ITPR1: variants seen among roughly 807,000 people sequenced by gnomAD.
The protein encoded by ITPR1 is inositol 1,4,5-trisphosphate receptor type 1, also known as inositol 1,4,5-trisphosphate-gated calcium channel ITPR1.
ITPR1 carries 96 observed loss-of-function variants against 318.4 expected under a neutral mutation model. The observed-to-expected ratio is 0.30, with a 90% CI of 0.26 to 0.36. The LOEUF (loss-of-function observed/expected upper bound fraction) is 0.36. Among genes scored for constraint, ITPR1 ranks in the 10% least tolerant of loss-of-function variants. The probability of loss-of-function intolerance (pLI) is 1.00; values close to 1 mark genes in which losing one functional copy is unlikely to be tolerated. For missense variants in ITPR1, 2,440 were observed against 3,460.2 expected (o/e 0.71, Z 7.40); for synonymous variants, 1,312 against 1,289.9 (o/e 1.02, Z -0.37).
chr3:4,796,098 A>C (rs1033621941), intron 53 of ITPR1, among the ~76,000 whole-genome samples: 1 of 152,224 alleles, frequency 6.6e-6, no homozygotes, highest in Admixed American at 6.5e-5. Flanking sequence ...TAGCTTAATC[A>C]TGCAGACATC....
chr3:4,715,505 AG>A (rs2041702149), intron 39 of ITPR1, among the ~76,000 whole-genome samples: 2 of 152,208 alleles, frequency 1.3e-5, no homozygotes, highest in African/African-American at 4.8e-5. Flanking sequence ...ACTAGTGAGT[AG>A]CAAGTGGTTG....
At chr3:4,613,388 C>T (rs1373489758) in intron 4 of ITPR1, among the ~76,000 whole-genome samples, 1 of 152,170 alleles carries the variant, frequency 6.6e-6, no homozygotes, top group African/African-American at 2.4e-5. Context: ...AAGCAGTTCC[C>T]AGCTTGACTT....
chr3:4,644,727 T>G (rs1243016281), intron 8 of ITPR1, among the ~76,000 whole-genome samples: 1 of 152,248 alleles, frequency 6.6e-6, no homozygotes, highest in African/African-American at 2.4e-5. Flanking sequence ...CATAAATATT[T>G]GTCTGATGGG....
At chr3:4,795,484 C>T (rs1575279713) in intron 53 of ITPR1, among the ~76,000 whole-genome samples, 1 of 152,300 alleles carries the variant, frequency 6.6e-6, no homozygotes, top group East Asian at 1.9e-4. Flanking sequence ...GAAACTATGT[C>T]TCAGAGCAGT....
At chr3:4,748,602 G>A (rs1452869502) in intron 44 of ITPR1, among the ~76,000 whole-genome samples, 1 of 152,182 alleles carries the variant, frequency 6.6e-6, no homozygotes, top group Non-Finnish European at 1.5e-5. Context: ...AATTCATCTT[G>A]AGGGTAAGAG....
intron 36 of ITPR1, among the ~76,000 whole-genome samples, chr3:4,703,481 C>A (rs971836615): frequency 1.3e-5 from 2 of 152,138 alleles, no homozygotes; most frequent in African/African-American, 4.8e-5. Context: ...AGGAAAATTT[C>A]TTTTTCCTTC....
chr3:4,605,604 A>G (rs867444120), intron 4 of ITPR1, among the ~76,000 whole-genome samples: 1 of 152,338 alleles, frequency 6.6e-6, no homozygotes, highest in South Asian at 2.1e-4. Flanking sequence ...GTATGTATGT[A>G]TTATACATGC....
At chr3:4,772,251 GGA>G (rs756091732) in intron 46 of ITPR1, among the ~76,000 whole-genome samples, 1 of 152,264 alleles carries the variant, frequency 6.6e-6, no homozygotes, top group Non-Finnish European at 1.5e-5. Context: ...ATTCTCATAA[GGA>G]GAGAGTGTTC....
At chr3:4,550,840 C>A (rs889879209) in intron 4 of ITPR1, among the ~76,000 whole-genome samples, 2 of 151,768 alleles carry the variant, frequency 1.3e-5, no homozygotes, top group East Asian at 3.9e-4. Flanking sequence ...GAGCTATGAT[C>A]ATGCTACTGT....
At chr3:4,797,126 C>G (rs1383512523) in intron 53 of ITPR1, among the ~76,000 whole-genome samples, 2 of 151,650 alleles carry the variant, frequency 1.3e-5, no homozygotes, top group Admixed American at 6.6e-5. Flanking sequence ...GAGCATAATT[C>G]AGAGCTCCGA....
At chr3:4,511,101 G>A (rs1299271422) in intron 2 of ITPR1, among the ~76,000 whole-genome samples, 1 of 152,124 alleles carries the variant, frequency 6.6e-6, no homozygotes, top group Admixed American at 6.5e-5. Context: ...GGACATGAGA[G>A]ACAGATTTGG....
At chr3:4,509,836 TACAATAGCACTAAAGTG>T (rs958460771) in intron 2 of ITPR1, among the ~76,000 whole-genome samples, 1 of 152,170 alleles carries the variant, frequency 6.6e-6, no homozygotes, top group Non-Finnish European at 1.5e-5. Flanking sequence ...AGGCAGCAGA[TACAATAGCACTAAAGTG>T]ACATTGAACC....
At chr3:4,704,751 C>A (rs1182948752) in intron 36 of ITPR1, among the ~76,000 whole-genome samples, 2 of 151,434 alleles carry the variant, frequency 1.3e-5, no homozygotes, top group Non-Finnish European at 1.5e-5. Context: ...GAGTTGATGT[C>A]TGTGGAACGG....
At chr3:4,669,820 G>T in intron 19 of ITPR1, 47 bp downstream of exon 19, 2 of 1,537,100 alleles carry the variant, frequency 1.3e-6, no homozygotes, top group South Asian at 1.3e-5. Context: ...GGTTCATTCA[G>T]TGTTGGTGCT....
chr3:4,769,885 G>A (rs2046075640), intron 46 of ITPR1, among the ~76,000 whole-genome samples: 1 of 152,214 alleles, frequency 6.6e-6, no homozygotes, highest in Non-Finnish European at 1.5e-5. Context: ...GAATGGGTCT[G>A]GATCTGCGGA....
chr3:4,707,570 C>G (rs961813893), intron 37 of ITPR1, among the ~76,000 whole-genome samples: 2 of 152,192 alleles, frequency 1.3e-5, no homozygotes, highest in South Asian at 4.1e-4. Flanking sequence ...TCAAGGCAGT[C>G]TCAAAGGTTC....
chr3:4,502,664 C>T (rs2081107707), intron 2 of ITPR1, among the ~76,000 whole-genome samples: 1 of 151,956 alleles, frequency 6.6e-6, no homozygotes, highest in African/African-American at 2.4e-5. Context: ...TTGTCTCGAT[C>T]TCTTGACCTC....
chr3:4,735,154 A>C lies in ITPR1; in HGVS notation c.5354-10A>C, dbSNP rs535524341. On this transcript the variant is annotated splice_polypyrimidine_tract_variant and intron_variant, in intron 43 of 61. Coordinates refer to ENST00000649015, the MANE Select transcript of ITPR1 (RefSeq NM_001378452.1). ...TTGTGCTTAGTAAAAACAATATTCC[A>C]TCTTCTTAGGGGGAGGTTCCGGATC... is the stretch of plus-strand genomic sequence containing the variant. 2 of 1,608,630 alleles carry C rather than the reference A, an allele frequency of 1.2e-6. No homozygotes were observed. The highest frequency in any genetic ancestry group is 2.2e-5 in the East Asian group (1 of 44,780).
intron 4 of ITPR1, among the ~76,000 whole-genome samples, chr3:4,622,488 A>G (rs2092679379): frequency 6.6e-6 from 1 of 150,916 alleles, no homozygotes; most frequent in Non-Finnish European, 1.5e-5. Flanking sequence ...CAATGGTGTG[A>G]TATCAGGTCA....
Sources: allele counts gnomAD v4.1 joint callset (sites outside exome capture counted in the v4.1 genomes callset), GRCh38; gene constraint gnomAD v4.1.1; transcripts MANE v1.5; gene names NCBI Gene and HGNC (gene_info 2026-07-23, HGNC 2026-07-21).